NCKAP5: variants seen among roughly 807,000 people sequenced by gnomAD.
The protein encoded by NCKAP5 is nck-associated protein 5.
In NCKAP5, 92 loss-of-function variants were observed where a neutral mutation model predicts 167.0. That is an observed-to-expected ratio of 0.55 (90% confidence interval 0.47 to 0.66). The LOEUF (loss-of-function observed/expected upper bound fraction) is 0.66, where lower values mean the gene tolerates loss of function less well. NCKAP5 is among the 30% of genes least tolerant of loss of function. NCKAP5 has a pLI of 0.00. For synonymous variants in NCKAP5, 891 were observed against 877.4 expected (o/e 1.02, Z -0.27); for missense variants, 2,378 against 2,315.0 (o/e 1.03, Z -0.56).
chr2:133,434,646 G>A (rs544571823), intron 3 of NCKAP5, among the ~76,000 whole-genome samples: 1 of 152,232 alleles, frequency 6.6e-6, no homozygotes, highest in Non-Finnish European at 1.5e-5. Context: ...ATGGCAAAGT[G>A]TATTTTCCAT....
chr2:132,832,039 T>G (rs1344835814), intron 11 of NCKAP5, among the ~76,000 whole-genome samples: 2 of 152,156 alleles, frequency 1.3e-5, no homozygotes, highest in Non-Finnish European at 2.9e-5. Context: ...TATTGAGCCA[T>G]ATCATACTGT....
chr2:133,217,170 T>G (rs1220974523), intron 4 of NCKAP5, among the ~76,000 whole-genome samples: 2 of 152,118 alleles, frequency 1.3e-5, no homozygotes, highest in African/African-American at 4.8e-5. Flanking sequence ...AAGTACATAC[T>G]GCAAACAGTT....
At chr2:133,489,270 C>G (rs896885222) in intron 3 of NCKAP5, among the ~76,000 whole-genome samples, 1 of 152,172 alleles carries the variant, frequency 6.6e-6, no homozygotes, top group Non-Finnish European at 1.5e-5. Flanking sequence ...ACAATGTCAG[C>G]CTTTTCTGCA....
chr2:132,800,822 G>A (rs1284978988), intron 11 of NCKAP5, among the ~76,000 whole-genome samples: 5 of 152,146 alleles, frequency 3.3e-5, no homozygotes, highest in African/African-American at 7.2e-5. Flanking sequence ...TGTTCTCTGT[G>A]TAGGTTCTAT....
chr2:132,739,383 A>C (rs1385069789), intron 16 of NCKAP5, among the ~76,000 whole-genome samples: 1 of 152,198 alleles, frequency 6.6e-6, no homozygotes, highest in African/African-American at 2.4e-5. Context: ...TATTCAGATA[A>C]ATGAAGTGAG....
chr2:133,542,287 T>C (rs906452280), intron 2 of NCKAP5, among the ~76,000 whole-genome samples: 2 of 152,176 alleles, frequency 1.3e-5, no homozygotes, highest in African/African-American at 2.4e-5. Context: ...TTTAATGTCA[T>C]TAAGTATTCT....
intron 8 of NCKAP5, among the ~76,000 whole-genome samples, chr2:132,890,531 G>C (rs998894528): frequency 2.0e-5 from 3 of 152,198 alleles, no homozygotes; most frequent in African/African-American, 4.8e-5. Flanking sequence ...TTTGAAAGCT[G>C]TTTAAAAACA....
At chr2:133,274,460 C>T (rs1361784524) in intron 4 of NCKAP5, among the ~76,000 whole-genome samples, 2 of 151,920 alleles carry the variant, frequency 1.3e-5, no homozygotes, top group Non-Finnish European at 2.9e-5. Context: ...AAATGTGAAA[C>T]ATTATCAACC....
intron 8 of NCKAP5, among the ~76,000 whole-genome samples, chr2:132,919,882 A>G (rs2148993234): frequency 6.6e-6 from 1 of 152,326 alleles, no homozygotes; most frequent in Non-Finnish European, 1.5e-5. Context: ...CAGAATGAGC[A>G]GTAAGTATCT....
intron 5 of NCKAP5, among the ~76,000 whole-genome samples, chr2:133,177,024 A>G (rs2084491670): frequency 6.6e-6 from 1 of 152,124 alleles, no homozygotes; most frequent in Non-Finnish European, 1.5e-5. Context: ...ATTTTAAAAT[A>G]TGAAGCCCAA....
chr2:133,159,856 A>C (rs1230102171), intron 5 of NCKAP5, among the ~76,000 whole-genome samples: 2 of 152,210 alleles, frequency 1.3e-5, no homozygotes, highest in Admixed American at 6.5e-5. Context: ...AATAGTACAC[A>C]TAATGAGCCT....
At chr2:132,794,146 A>G (rs1684299033) in intron 12 of NCKAP5, among the ~76,000 whole-genome samples, 1 of 149,116 alleles carries the variant, frequency 6.7e-6, no homozygotes, top group Non-Finnish European at 1.5e-5. Context: ...CATTGTGAAG[A>G]CTGAACAGCC....
At chr2:132,802,777 C>T (rs2105212236) in intron 11 of NCKAP5, among the ~76,000 whole-genome samples, 1 of 152,240 alleles carries the variant, frequency 6.6e-6, no homozygotes, top group African/African-American at 2.4e-5. Context: ...CTGATGAAAA[C>T]AATTTTTCTG....
intron 4 of NCKAP5, among the ~76,000 whole-genome samples, chr2:133,261,985 G>T (rs1461455750): frequency 6.6e-6 from 1 of 152,190 alleles, no homozygotes; most frequent in Non-Finnish European, 1.5e-5. Context: ...GAGAGACGAG[G>T]TTAATGTGAA....
chr2:132,951,378 A>C (rs2149146181), intron 8 of NCKAP5, among the ~76,000 whole-genome samples: 1 of 152,300 alleles, frequency 6.6e-6, no homozygotes, highest in East Asian at 1.9e-4. Context: ...GATATTTCTG[A>C]AACAGGAGTA....
At chr2:133,385,971 A>G (rs1292422868) in intron 3 of NCKAP5, among the ~76,000 whole-genome samples, 2 of 151,250 alleles carry the variant, frequency 1.3e-5, no homozygotes, top group Non-Finnish European at 3.0e-5. Context: ...CGGTCAATCA[A>G]TTTTGTTGAT....
At chr2:133,325,870 T>G (rs1409262429) in intron 3 of NCKAP5, among the ~76,000 whole-genome samples, 1 of 152,188 alleles carries the variant, frequency 6.6e-6, no homozygotes, top group Non-Finnish European at 1.5e-5. Context: ...CCATCATACA[T>G]TGTGTTTGGA....
intron 5 of NCKAP5, among the ~76,000 whole-genome samples, chr2:133,186,703 T>C (rs755388925): frequency 2.6e-5 from 4 of 152,106 alleles, no homozygotes; most frequent in Non-Finnish European, 5.9e-5. Context: ...TCCAGGAATT[T>C]ATTCATTTCC....
At chr2:132,680,870 G>A (rs1049722649) in intron 19 of NCKAP5, among the ~76,000 whole-genome samples, 5 of 152,146 alleles carry the variant, frequency 3.3e-5, no homozygotes, top group Admixed American at 6.5e-5. Context: ...TGATGTTAGC[G>A]TCATCATTTC....
Sources: allele counts gnomAD v4.1 joint callset (sites outside exome capture counted in the v4.1 genomes callset), GRCh38; gene constraint gnomAD v4.1.1; transcripts MANE v1.5; gene names NCBI Gene and HGNC (gene_info 2026-07-23, HGNC 2026-07-21).